The following FBN1 variants were observed in gnomAD, a reference collection of about 807,000 sequenced individuals.
FBN1 encodes fibrillin-1.
Under a neutral mutation model 365.1 loss-of-function variants are expected in FBN1, and 29 were observed. The ratio of observed to expected loss-of-function variants is 0.08; its 90% CI spans 0.06 to 0.11. The LOEUF (loss-of-function observed/expected upper bound fraction) is 0.11, where lower values mean the gene tolerates loss of function less well. FBN1 is among the 10% of genes least tolerant of loss of function. FBN1 has a pLI of 1.00. For missense variants in FBN1, 2,476 were observed against 3,703.2 expected, an observed-to-expected ratio of 0.67 and a Z score of 8.60; for synonymous variants, 1,210 against 1,270.5, an observed-to-expected ratio of 0.95 and a Z score of 1.01.
rs1423523072 is a variant in FBN1, at chr15:48,499,010, C to T, written c.2142G>A (p.Gly714=). Residue 714 remains glycine (G), a synonymous_variant, in exon 18 of 66, where the codon GGG becomes GGA. Transcript: ENST00000316623. The part of the protein sequence containing the change: ...SAEYQALCSS[G]PGMTSAGSDI... ...CACTGCCTGCTGACGTCATTCCTGGCCCACTGCTGCAGAGTGCCTGATATT... is the reference window on the plus strand; with the variant it reads ...CACTGCCTGCTGACGTCATTCCTGGTCCACTGCTGCAGAGTGCCTGATATT... The T allele has an allele frequency of 1.4e-5, 22 of 1,614,182 alleles. No homozygotes were observed. The highest frequency in any genetic ancestry group is 1.9e-5 in the Non-Finnish European group (22 of 1,180,000).
chr15:48,447,174 G>A (rs1166441126), intron 46 of FBN1, among the ~76,000 whole-genome samples: 1 of 152,118 alleles, frequency 6.6e-6, no homozygotes, highest in Non-Finnish European at 1.5e-5. Flanking sequence ...GTGTGCATCT[G>A]GGTCTTGAGG....
intron 15 of FBN1, 129 bp from the exon 16 acceptor site, chr15:48,505,276 G>T (rs2141317669): frequency 9.4e-7 from 1 of 1,058,300 alleles, no homozygotes; most frequent in South Asian, 1.3e-5. Context: ...AGCAACAAAA[G>T]CTCAAATGGC....
chr15:48,408,554 T>C lies in FBN1; in HGVS notation c.*2436A>G, dbSNP rs984589763. ...GGGCTGAGGGGGTAGAGACAAGATA[T>C]TTTCAAGCTTCTGAGAGATTTACAA... is the stretch of plus-strand genomic sequence containing the variant. On this transcript the variant is annotated 3_prime_UTR_variant, in exon 66 of 66. Transcript: ENST00000316623. The C allele has an allele frequency of 2.3e-4, 35 of 152,760 alleles. No homozygotes were observed. The highest frequency in any genetic ancestry group is 7.2e-4 in the African/African-American group (30 of 41,580). The allele number at this position is 152,760 out of a possible 1,614,324, so 9.5% of individuals were successfully genotyped here.
At chr15:48,419,515 T>C (rs3784622) in intron 63 of FBN1, among the ~76,000 whole-genome samples, 3,755 of 152,294 alleles carry the variant, frequency 0.025, 82 homozygotes, top group East Asian at 0.082. Flanking sequence ...AAGACCTCCC[T>C]GAGCTGCTAA....
At chr15:48,454,479 C>A (rs1201071942) in intron 44 of FBN1, among the ~76,000 whole-genome samples, 1 of 152,196 alleles carries the variant, frequency 6.6e-6, no homozygotes, top group Non-Finnish European at 1.5e-5. Context: ...CAACAAAAAA[C>A]AGATACTAAT....
chr15:48,454,891 A>G lies in FBN1; in HGVS notation c.5422+1746T>C, dbSNP rs548370253. 9.2e-5 allele frequency among the ~76,000 whole-genome samples: 14 copies of G among 152,256 alleles called. No homozygotes were observed. In the East Asian group the frequency reaches 2.3e-3, roughly 25 times the overall value. ...CAAGGGACCCAGCACCACCTCACTC[A>G]CCAGGTCTGCCCTGCTTTGTATTCA... On this transcript the variant is annotated intron_variant, in intron 44 of 65. Coordinates refer to ENST00000316623, the MANE Select transcript of FBN1 (RefSeq NM_000138.5).
intron 38 of FBN1, among the ~76,000 whole-genome samples, chr15:48,467,405 T>C (rs2043331647): frequency 6.6e-6 from 1 of 152,236 alleles, no homozygotes. Context: ...TAATTCTGAA[T>C]CATAATACAG....
intron 6 of FBN1, among the ~76,000 whole-genome samples, chr15:48,589,674 C>T (rs912912946): frequency 4.5e-5 from 6 of 132,524 alleles, no homozygotes; most frequent in Admixed American, 3.5e-4. Context: ...AGTGCAGTGG[C>T]GTGATCTCGG....
At chr15:48,424,902 CT>C (rs1948563017) in intron 60 of FBN1, among the ~76,000 whole-genome samples, 2 of 152,120 alleles carry the variant, frequency 1.3e-5, no homozygotes, top group Non-Finnish European at 2.9e-5. Flanking sequence ...CAGAAATAGA[CT>C]TTTTCTGCAG....
chr15:48,570,984 T>C (rs2044302000), intron 6 of FBN1, among the ~76,000 whole-genome samples: 2 of 152,156 alleles, frequency 1.3e-5, no homozygotes, highest in South Asian at 4.1e-4. Context: ...GGGTACATTG[T>C]TTGCTGGAAA....
intron 64 of FBN1, among the ~76,000 whole-genome samples, chr15:48,415,229 G>C (rs562383159): frequency 6.6e-6 from 1 of 152,202 alleles, no homozygotes; most frequent in Non-Finnish European, 1.5e-5. Context: ...GGTTGGCAGA[G>C]AGGTGTATTT....
chr15:48,460,959 C>T (rs2043276054), intron 42 of FBN1, among the ~76,000 whole-genome samples: 1 of 152,126 alleles, frequency 6.6e-6, no homozygotes, highest in Non-Finnish European at 1.5e-5. Context: ...TATCAGCAGT[C>T]CCTTCTAACT....
At chr15:48,468,589 T>C (rs2043342436) in intron 36 of FBN1, 55 bp from the exon 37 acceptor site, 1 of 1,606,356 alleles carries the variant, frequency 6.2e-7, no homozygotes, top group Non-Finnish European at 8.5e-7. Context: ...TAGGCAGACA[T>C]CACCATAAAA....
At chr15:48,454,754 T>C (rs993291014) in intron 44 of FBN1, among the ~76,000 whole-genome samples, 2 of 152,172 alleles carry the variant, frequency 1.3e-5, no homozygotes, top group African/African-American at 2.4e-5. Flanking sequence ...GATTCTGTGG[T>C]GGAAAACCCT....
chr15:48,467,347 C>T (rs2043331220), intron 38 of FBN1, among the ~76,000 whole-genome samples: 1 of 152,180 alleles, frequency 6.6e-6, no homozygotes, highest in African/African-American at 2.4e-5. Flanking sequence ...CCTATCCCAA[C>T]ATACGCTATA....
chr15:48,479,962 A>G (rs1240776416), intron 32 of FBN1, among the ~76,000 whole-genome samples: 1 of 152,212 alleles, frequency 6.6e-6, no homozygotes. Flanking sequence ...CACTGTGTCT[A>G]TGTTTCATTT....
Position 48,520,814 on chromosome 15 carries a change from A to G in FBN1, c.992T>C (p.Val331Ala), listed in dbSNP as rs1345539075. The stretch of plus-strand genomic sequence containing the variant: ...AGCTGTGTAACAGTATCCTGGGCGA[A>G]CATCTGAGGACAAAGAAACACATAC... The part of the protein sequence containing the change: ...TSPDGTRCID[V>A]RPGYCYTALT... The change falls in exon 10 of 66, where the codon GTT becomes GCT. Residue 331 changes from valine to alanine, a missense_variant. Val to Ala is a moderately conservative substitution (Grantham distance 64, BLOSUM62 0). Around this residue, in one of 5 missense-constraint regions of FBN1, gnomAD observed 421 missense variants for 520.1 expected, o/e 0.81. Coordinates refer to ENST00000316623, the MANE Select transcript of FBN1 (RefSeq NM_000138.5). The G allele has an allele frequency of 1.2e-6, 2 of 1,614,160 alleles. No individual in the cohort carries two copies. The highest frequency in any genetic ancestry group is 1.7e-6 in the Non-Finnish European group (2 of 1,180,024).
At chr15:48,504,956 T>C in intron 16 of FBN1, 69 bp downstream of exon 16, 13 of 1,602,914 alleles carry the variant, frequency 8.1e-6, no homozygotes, top group Non-Finnish European at 1.1e-5. Flanking sequence ...GAGCGTTTGT[T>C]ACCATTGGGC....
rs540588651 is a variant in FBN1 at position 48,537,594 on chromosome 15, C to T, written c.736+17G>A. ...AATAAGATTAATCCATTAATAATTC[C>T]ATCAGCCCGGGTTTACCTTGACAAG... On this transcript the variant is annotated intron_variant, in intron 7 of 65. Coordinates refer to ENST00000316623, the MANE Select transcript of FBN1 (RefSeq NM_000138.5). 2.5e-6 allele frequency: 4 copies of T among 1,613,890 alleles called. No individual in the cohort carries two copies. The highest frequency in any genetic ancestry group is 4.5e-5 in the East Asian group (2 of 44,884).
Sources: gnomAD v4.1 joint callset for allele counts (sites outside exome capture counted in the v4.1 genomes callset) on GRCh38, gnomAD v4.1.1 for gene constraint, gnomAD v4.1.1 regional missense constraint, MANE v1.5 for transcripts, NCBI Gene and HGNC (gene_info 2026-07-23, HGNC 2026-07-21) for gene names.